PCSK2: variants seen among roughly 807,000 people sequenced by gnomAD.
PCSK2 encodes proprotein convertase subtilisin/kexin type 2.
Under a neutral mutation model 69.7 loss-of-function variants are expected in PCSK2, and 14 were observed. The ratio of observed to expected loss-of-function variants is 0.20; its 90% CI spans 0.13 to 0.31. PCSK2 has a LOEUF of 0.31. PCSK2 is among the 10% of genes least tolerant of loss of function. The probability of loss-of-function intolerance (pLI) is 1.00; values close to 1 mark genes in which losing one functional copy is unlikely to be tolerated. For missense variants in PCSK2, 544 were observed against 842.5 expected (o/e 0.65, Z 4.39); for synonymous variants, 307 against 320.7 (o/e 0.96, Z 0.46).
intron 2 of PCSK2, among the ~76,000 whole-genome samples, chr20:17,322,278 T>A (rs554311669): frequency 6.6e-6 from 1 of 152,216 alleles, no homozygotes; most frequent in South Asian, 2.1e-4. Context: ...AAAGTTTCTT[T>A]GGGTTGGTAA....
rs116159105 is a variant in PCSK2, at chr20:17,377,438, T to C, written c.543+8161T>C. Among the ~76,000 whole-genome samples, 1,296 of 152,286 alleles carry C rather than the reference T, an allele frequency of 8.5e-3. 21 individuals are homozygous for C. Among genetic ancestry groups the C allele is most frequent in the African/African-American group, 0.03 (1,235 of 41,554 alleles). ...CTTGAGCTTGACAGAAGTGTGCACA[T>C]TGGGCCCCAGGGGGCATGTGGCCTC... On this transcript the variant is annotated intron_variant, in intron 5 of 11. Transcript: ENST00000262545.
intron 6 of PCSK2, among the ~76,000 whole-genome samples, chr20:17,413,312 G>T (rs945999853): frequency 4.6e-5 from 7 of 152,058 alleles, no homozygotes; most frequent in Non-Finnish European, 8.8e-5. Flanking sequence ...ACACATATAG[G>T]CTCAAAATTA....
At chr20:17,229,176 CT>C (rs1455996325) in intron 1 of PCSK2, among the ~76,000 whole-genome samples, 5 of 151,800 alleles carry the variant, frequency 3.3e-5, no homozygotes, top group African/African-American at 1.2e-4. Flanking sequence ...GAGGAGGCTA[CT>C]ATCATTATTG....
chr20:17,312,379 A>C (rs913733055), intron 2 of PCSK2, among the ~76,000 whole-genome samples: 1 of 152,206 alleles, frequency 6.6e-6, no homozygotes, highest in Admixed American at 6.5e-5. Flanking sequence ...CAACCTACTC[A>C]TTAAGAACCA....
At chr20:17,232,235 G>A (rs547749588) in intron 1 of PCSK2, among the ~76,000 whole-genome samples, 2 of 152,124 alleles carry the variant, frequency 1.3e-5, no homozygotes, top group Non-Finnish European at 2.9e-5. Context: ...GAATTCTGCC[G>A]GCTACAGACA....
rs185461515 is a variant in PCSK2, at chr20:17,338,598, T to A, written c.283-19729T>A. On this transcript the variant is annotated intron_variant, in intron 2 of 11. Transcript: ENST00000262545. ...GGAGAGTAGCAACCCTAAAGAAAACTCTCTTTTTCTTTGACATAAAACTTA... is the reference window on the plus strand; with the variant it reads ...GGAGAGTAGCAACCCTAAAGAAAACACTCTTTTTCTTTGACATAAAACTTA... Among the ~76,000 whole-genome samples the A allele has an allele frequency of 1.8e-4, 28 of 152,300 alleles. No individual in the cohort carries two copies. The East Asian group carries it at 5.2e-3, about 28-fold the overall frequency.
chr20:17,425,220 TTTAAA>T (rs2032220646), intron 6 of PCSK2, among the ~76,000 whole-genome samples: 1 of 152,210 alleles, frequency 6.6e-6, no homozygotes, highest in African/African-American at 2.4e-5. Flanking sequence ...ATTTCACATA[TTTAAA>T]TAATAAGCCT....
chr20:17,325,149 C>A (rs765042591), intron 2 of PCSK2, among the ~76,000 whole-genome samples: 7 of 152,120 alleles, frequency 4.6e-5, no homozygotes, highest in Non-Finnish European at 7.4e-5. Context: ...AATTGCATGT[C>A]ATTTGCCTCC....
rs2031031801 is a variant in PCSK2 at position 17,379,640 on chromosome 20, C to T, written c.543+10363C>T. ...GTAAAATGCCCCCCTAAGATTTCCA[C>T]CCTCTGCTGTAAGCACTCTGTATAG... is the stretch of plus-strand genomic sequence containing the variant. On this transcript the variant is annotated intron_variant, in intron 5 of 11. Coordinates refer to ENST00000262545, the MANE Select transcript of PCSK2 (RefSeq NM_002594.5). 2.0e-5 allele frequency among the ~76,000 whole-genome samples: 3 copies of T among 152,318 alleles called. No individual in the cohort carries two copies. In the South Asian group the frequency reaches 6.2e-4, roughly 32 times the overall value.
At chr20:17,309,477 A>G (rs1977098) in intron 2 of PCSK2, among the ~76,000 whole-genome samples, 19,580 of 152,210 alleles carry the variant, frequency 0.13, 1,920 homozygotes, top group East Asian at 0.53. Flanking sequence ...GTGTATTAGT[A>G]TGTTCTCACA....
intron 11 of PCSK2, among the ~76,000 whole-genome samples, chr20:17,476,891 C>T (rs1327391705): frequency 6.6e-6 from 1 of 152,202 alleles, no homozygotes; most frequent in Non-Finnish European, 1.5e-5. Flanking sequence ...CTGCTTTCCA[C>T]CAAATGGATG....
rs727474 is a variant in PCSK2 at position 17,331,401 on chromosome 20, T to C, written c.283-26926T>C. Among the ~76,000 whole-genome samples, 1,441 of 152,300 alleles carry C rather than the reference T, an allele frequency of 9.5e-3. 22 individuals carry two copies. The highest frequency in any genetic ancestry group is 0.032 in the African/African-American group (1,333 of 41,558). On this transcript the variant is annotated intron_variant, in intron 2 of 11. Coordinates refer to ENST00000262545, the MANE Select transcript of PCSK2 (RefSeq NM_002594.5). ...CAAGAAGAACCTGAGTCATGAACCATCTATTAAACCCAGGCCTTCTGTCTA... is the reference window on the plus strand; with the variant it reads ...CAAGAAGAACCTGAGTCATGAACCACCTATTAAACCCAGGCCTTCTGTCTA...
intron 11 of PCSK2, among the ~76,000 whole-genome samples, chr20:17,473,574 C>T (rs139924161): frequency 5.9e-4 from 90 of 152,296 alleles, no homozygotes; most frequent in Admixed American, 5.0e-3. Context: ...GCATATATCT[C>T]CTTTTTGCTT....
chr20:17,303,865 C>T (rs140611723), intron 2 of PCSK2, among the ~76,000 whole-genome samples: 25 of 141,814 alleles, frequency 1.8e-4, no homozygotes, highest in Non-Finnish European at 3.1e-4. Context: ...CAGGTGTGAA[C>T]GACCGTGCCT....
intron 2 of PCSK2, among the ~76,000 whole-genome samples, chr20:17,278,993 T>C (rs1411784566): frequency 6.6e-6 from 1 of 152,154 alleles, no homozygotes; most frequent in Non-Finnish European, 1.5e-5. Context: ...TCATCCACCC[T>C]AGAGATACCA....
intron 2 of PCSK2, among the ~76,000 whole-genome samples, chr20:17,347,628 G>C (rs888186818): frequency 5.3e-5 from 8 of 152,142 alleles, no homozygotes; most frequent in Middle Eastern, 6.8e-3. Context: ...CGATGTGTCA[G>C]TGTCGGTTCA....
chr20:17,276,449 C>A (rs1431612909), intron 2 of PCSK2, among the ~76,000 whole-genome samples: 1 of 113,534 alleles, frequency 8.8e-6, no homozygotes, highest in Admixed American at 8.4e-5. Flanking sequence ...AAATTCAACA[C>A]ACACACACAC....
chr20:17,442,428 G>T (rs1203557261), intron 8 of PCSK2, among the ~76,000 whole-genome samples: 1 of 152,078 alleles, frequency 6.6e-6, no homozygotes, highest in African/African-American at 2.4e-5. Context: ...GCACCTTCCA[G>T]TCTTAGAATG....
chr20:17,363,790 T>G (rs1279166447), intron 4 of PCSK2, among the ~76,000 whole-genome samples: 1 of 152,238 alleles, frequency 6.6e-6, no homozygotes, highest in East Asian at 1.9e-4. Flanking sequence ...AATCACTATG[T>G]GCTAGACACT....
Sources: allele counts gnomAD v4.1 joint callset (sites outside exome capture counted in the v4.1 genomes callset), GRCh38; gene constraint gnomAD v4.1.1; transcripts MANE v1.5; gene names NCBI Gene and HGNC (gene_info 2026-07-23, HGNC 2026-07-21).